NPHS2: variants seen among roughly 807,000 people sequenced by gnomAD.
NPHS2 encodes the protein NPHS2 stomatin family member, podocin.
A neutral mutation model predicts 37.1 loss-of-function variants in NPHS2; 36 were observed. That is an observed-to-expected ratio of 0.97 (90% CI 0.74 to 1.28). The LOEUF is 1.28. Ranked by LOEUF, NPHS2 falls within the 50% of genes most tolerant of loss-of-function variation. NPHS2 has a pLI of 0.00. For missense variants in NPHS2, 447 were observed against 488.1 expected, an observed-to-expected ratio of 0.92 and a Z score of 0.79; for synonymous variants, 196 against 189.3, an observed-to-expected ratio of 1.04 and a Z score of -0.29.
At chr1:179,554,772 A>G (rs918366978) in intron 5 of NPHS2, 1 of 589,678 alleles carries the variant, frequency 1.7e-6, no homozygotes, top group African/African-American at 1.9e-5. Context: ...CCCCAAAGAT[A>G]TCCCATGTCC....
chr1:179,551,807 G>A (rs1230148366), intron 7 of NPHS2: 1 of 284,214 alleles, frequency 3.5e-6, no homozygotes, highest in Admixed American at 4.8e-5. Context: ...CCCCAACTCA[G>A]GGAAAGTGAA....
intron 1 of NPHS2, among the ~76,000 whole-genome samples, chr1:179,569,908 A>G (rs1401084398): frequency 2.0e-5 from 3 of 152,298 alleles, no homozygotes; most frequent in Non-Finnish European, 1.5e-5. Context: ...CTGCCAAGAG[A>G]TCCACTGTTA....
chr1:179,563,232 G>A (rs1674213001), intron 2 of NPHS2, among the ~76,000 whole-genome samples: 1 of 152,162 alleles, frequency 6.6e-6, no homozygotes, highest in African/African-American at 2.4e-5. Context: ...GCAATAAAGT[G>A]GGACATTGTA....
chr1:179,572,061 C>T (rs1320041772), intron 1 of NPHS2, among the ~76,000 whole-genome samples: 1 of 152,256 alleles, frequency 6.6e-6, no homozygotes. Context: ...AGCTCACCCT[C>T]CATGGGCTGC....
In NPHS2 at chr1:179,551,025, A is replaced by G. The variant is rs1572252422; in HGVS notation, c.*148T>C. 8 of 897,100 alleles carry G rather than the reference A, an allele frequency of 8.9e-6. No homozygotes were observed. In the East Asian group the frequency reaches 1.3e-4, roughly 15 times the overall value. The allele number at this position is 897,100 out of a possible 1,614,324, so 55.6% of individuals were successfully genotyped here. ...CATTACATCATTTCACCGTCTTCTC[A>G]TGGATGGTGCATTGTGACTTCGTGC... is the stretch of plus-strand genomic sequence containing the variant. On this transcript the variant is annotated 3_prime_UTR_variant, in exon 8 of 8. Transcript: ENST00000367615.
chr1:179,557,727 T>G (rs1462443418), intron 4 of NPHS2, among the ~76,000 whole-genome samples: 9 of 152,172 alleles, frequency 5.9e-5, no homozygotes, highest in Admixed American at 2.6e-4. Context: ...GTATTGCTAA[T>G]TGGAATACAA....
At chr1:179,567,531 C>G (rs1674382459) in intron 1 of NPHS2, among the ~76,000 whole-genome samples, 2 of 152,150 alleles carry the variant, frequency 1.3e-5, no homozygotes, top group African/African-American at 4.8e-5. Context: ...ATTTGACTTC[C>G]TCTTTTCCTA....
At chr1:179,563,616 G>GTA (rs1674229096) in intron 2 of NPHS2, among the ~76,000 whole-genome samples, 1 of 151,962 alleles carries the variant, frequency 6.6e-6, no homozygotes, top group Non-Finnish European at 1.5e-5. Context: ...AACATAAAGT[G>GTA]TATTCTCTTA....
At position 179,556,156 on chromosome 1, in the gene NPHS2, G is replaced by A. The variant is rs1008987147; in HGVS notation, c.738+871C>T. On this transcript the variant is annotated intron_variant, in intron 5 of 7. Coordinates refer to ENST00000367615, the MANE Select transcript of NPHS2 (RefSeq NM_014625.4). The surrounding 1 kb of genome is among the most constrained non-coding windows in gnomAD (Gnocchi z 4.1). ...TAAAGGAGAAGGATGAATAAGGAAA[G>A]GAGGGTGAAGGGGGACATCCCATAA... 1.3e-5 allele frequency among the ~76,000 whole-genome samples: 2 copies of A among 152,344 alleles called. No individual in the cohort carries two copies. The highest frequency in any genetic ancestry group is 2.9e-5 in the Non-Finnish European group (2 of 68,028).
chr1:179,555,148 G>A (rs1341706153), intron 5 of NPHS2, among the ~76,000 whole-genome samples: 3 of 152,342 alleles, frequency 2.0e-5, no homozygotes, highest in Middle Eastern at 3.4e-3. Flanking sequence ...TTTGGACTCT[G>A]TGGTCTTCGA....
At chr1:179,559,249 C>T (rs940957203) in intron 4 of NPHS2, among the ~76,000 whole-genome samples, 1 of 152,136 alleles carries the variant, frequency 6.6e-6, no homozygotes, top group Non-Finnish European at 1.5e-5. Context: ...CTTTACTCAA[C>T]GTCTGCTGAT....
intron 1 of NPHS2, among the ~76,000 whole-genome samples, chr1:179,565,307 A>T (rs1014871150): frequency 5.3e-5 from 8 of 152,096 alleles, no homozygotes; most frequent in African/African-American, 1.9e-4. Flanking sequence ...GAGTGGGGGT[A>T]TACTGGAACA....
chr1:179,558,334 T>G (rs925974782), intron 4 of NPHS2, among the ~76,000 whole-genome samples: 4 of 151,724 alleles, frequency 2.6e-5, no homozygotes, highest in African/African-American at 4.8e-5. Context: ...ATACAGTATT[T>G]TGTGTGTGTG....
chr1:179,566,427 T>A (rs543357452), intron 1 of NPHS2, among the ~76,000 whole-genome samples: 3 of 152,364 alleles, frequency 2.0e-5, no homozygotes, highest in African/African-American at 4.8e-5. Flanking sequence ...TTTTTTCTTG[T>A]AAATTTGTTT....
At chr1:179,564,828 G>A (rs1321648868) in intron 1 of NPHS2, 35 bp from the exon 2 acceptor site, 1 of 1,527,334 alleles carries the variant, frequency 6.5e-7, no homozygotes, top group Non-Finnish European at 9.0e-7. Context: ...TAATTATATT[G>A]AAACTTCACT....
In NPHS2 at chr1:179,556,950, A is replaced by G; in HGVS notation, c.738+77T>C. On this transcript the variant is annotated intron_variant, in intron 5 of 7. Transcript: ENST00000367615. This position sits in a 1 kb window ranked among gnomAD's most constrained non-coding sequence, Gnocchi z 4.1. Reference sequence around the variant, plus strand: ...TAAGGGATGGAACTGGCCATAGAAGATTTAATAAATGTCCAATGAACAAAT... The same window carrying G: ...TAAGGGATGGAACTGGCCATAGAAGGTTTAATAAATGTCCAATGAACAAAT... 1 of 1,376,086 alleles carries G rather than the reference A, an allele frequency of 7.3e-7. No homozygotes were observed. 85.2% of individuals were successfully genotyped at this position (1,376,086 alleles called of 1,614,324 possible).
chr1:179,573,876 A>G (rs1037882822), intron 1 of NPHS2, among the ~76,000 whole-genome samples: 1 of 152,182 alleles, frequency 6.6e-6, no homozygotes, highest in African/African-American at 2.4e-5. Context: ...TGAATATCCA[A>G]CTTGTTTGGT....
chr1:179,566,482 A>G (rs1453153416), intron 1 of NPHS2, among the ~76,000 whole-genome samples: 1 of 152,194 alleles, frequency 6.6e-6, no homozygotes. Context: ...TCAGATGGGT[A>G]GATTGCAAAA....
chr1:179,555,317 T>C (rs1673864816), intron 5 of NPHS2, among the ~76,000 whole-genome samples: 1 of 152,178 alleles, frequency 6.6e-6, no homozygotes, highest in African/African-American at 2.4e-5. Flanking sequence ...GTCTTTCATT[T>C]ATAGGATGTT....
Sources: allele counts gnomAD v4.1 joint callset (sites outside exome capture counted in the v4.1 genomes callset), GRCh38; gene constraint gnomAD v4.1.1; non-coding constraint Gnocchi (gnomAD v3.1); transcripts MANE v1.5; gene names NCBI Gene and HGNC (gene_info 2026-07-23, HGNC 2026-07-21).